EPHA6: variants seen among roughly 807,000 people sequenced by gnomAD.
EPHA6 encodes the protein EPH receptor A6, also known as ephrin type-A receptor 6.
A neutral mutation model predicts 112.0 loss-of-function variants in EPHA6; 50 were observed. That is an observed-to-expected ratio of 0.45 (90% confidence interval 0.36 to 0.56). The LOEUF (loss-of-function observed/expected upper bound fraction) is 0.56, where lower values mean the gene tolerates loss of function less well. EPHA6 is among the 20% of genes least tolerant of loss of function. The pLI is 0.00. For missense variants in EPHA6, 1,280 were observed against 1,417.4 expected (o/e 0.90, Z 1.56); for synonymous variants, 529 against 490.7 (o/e 1.08, Z -1.03).
intron 1 of EPHA6, among the ~76,000 whole-genome samples, chr3:96,855,193 C>T (rs999468010): frequency 6.6e-6 from 1 of 152,116 alleles, no homozygotes; most frequent in Non-Finnish European, 1.5e-5. Flanking sequence ...TTTGTTATTA[C>T]ATCAGGCCCA....
chr3:97,245,807 T>C (rs920629515), intron 5 of EPHA6, among the ~76,000 whole-genome samples: 2 of 151,858 alleles, frequency 1.3e-5, no homozygotes, highest in Non-Finnish European at 2.9e-5. Flanking sequence ...TACCTGACAC[T>C]ACATACGTGA....
At chr3:97,089,906 G>C (rs1251844400) in intron 3 of EPHA6, among the ~76,000 whole-genome samples, 1 of 151,864 alleles carries the variant, frequency 6.6e-6, no homozygotes, top group Non-Finnish European at 1.5e-5. Context: ...AAACAAACAG[G>C]GAGATTATTT....
At chr3:97,745,306 G>A (rs551052129) in intron 16 of EPHA6, 17 of 430,366 alleles carry the variant, frequency 4.0e-5, no homozygotes, top group African/African-American at 1.6e-4. Flanking sequence ...GTATTTGTTG[G>A]TAGATGCTAT....
intron 5 of EPHA6, among the ~76,000 whole-genome samples, chr3:97,298,846 T>C (rs1476053569): frequency 6.6e-6 from 1 of 152,088 alleles, no homozygotes; most frequent in Non-Finnish European, 1.5e-5. Flanking sequence ...AAATATATTG[T>C]CTAAATGTCA....
At chr3:97,131,224 T>C (rs2048329041) in intron 3 of EPHA6, among the ~76,000 whole-genome samples, 1 of 152,008 alleles carries the variant, frequency 6.6e-6, no homozygotes, top group Non-Finnish European at 1.5e-5. Flanking sequence ...ATGTATACAG[T>C]GGTATGTATG....
chr3:97,494,764 T>C (rs980156242), intron 10 of EPHA6, among the ~76,000 whole-genome samples: 1 of 152,156 alleles, frequency 6.6e-6, no homozygotes, highest in East Asian at 1.9e-4. Flanking sequence ...TTCTGCAAAA[T>C]TGAACTTATA....
intron 10 of EPHA6, among the ~76,000 whole-genome samples, chr3:97,497,392 C>T (rs527486675): frequency 9.9e-5 from 15 of 152,264 alleles, no homozygotes; most frequent in African/African-American, 3.6e-4. Flanking sequence ...TCCCCACTCC[C>T]TCACTTCCTC....
At chr3:96,900,655 T>C (rs941670978) in intron 2 of EPHA6, among the ~76,000 whole-genome samples, 2 of 152,228 alleles carry the variant, frequency 1.3e-5, no homozygotes, top group Non-Finnish European at 2.9e-5. Flanking sequence ...TCCCTTATTA[T>C]CTACAGAGTG....
At chr3:97,518,096 T>G (rs1174499682) in intron 10 of EPHA6, among the ~76,000 whole-genome samples, 1 of 152,172 alleles carries the variant, frequency 6.6e-6, no homozygotes, top group Non-Finnish European at 1.5e-5. Context: ...TTCTCTTTCT[T>G]TGGGTATATA....
chr3:97,607,192 A>AG (rs2107442610), intron 12 of EPHA6, among the ~76,000 whole-genome samples: 1 of 150,526 alleles, frequency 6.6e-6, no homozygotes, highest in South Asian at 2.1e-4. Context: ...GGCAAAAAAA[A>AG]AAAAAAAACA....
intron 5 of EPHA6, among the ~76,000 whole-genome samples, chr3:97,363,188 A>G (rs193159525): frequency 1.5e-4 from 2 of 12,934 alleles, no homozygotes; most frequent in African/African-American, 6.6e-4. Flanking sequence ...ATATATATAT[A>G]TATATATATA....
intron 3 of EPHA6, among the ~76,000 whole-genome samples, chr3:97,087,839 T>C (rs951384527): frequency 4.6e-5 from 7 of 152,154 alleles, no homozygotes; most frequent in African/African-American, 1.7e-4. Context: ...ATTTATTGAG[T>C]ACTGATCAGT....
chr3:96,977,683 G>A (rs2042588357), intron 2 of EPHA6, among the ~76,000 whole-genome samples: 1 of 150,680 alleles, frequency 6.6e-6, no homozygotes, highest in Non-Finnish European at 1.5e-5. Flanking sequence ...CATGGAGATT[G>A]ACCTCTGTGT....
chr3:96,987,620 T>C lies in EPHA6; in HGVS notation c.741T>C (p.Ala247=), dbSNP rs2043070243. ...ATACAAAGATCGACACAATTGCTGC[T>C]GATGAGAGTTTTACCCAGATGGATT... is the stretch of plus-strand genomic sequence containing the variant. ...NQYTKIDTIA[A]DESFTQMDLG... is the part of the protein sequence containing the mutation. The change falls in exon 3 of 18, where the codon GCT becomes GCC. Residue 247 remains alanine (A), a synonymous_variant. Transcript: ENST00000389672. 6.2e-7 allele frequency: 1 copy of C among 1,612,438 alleles called. No individual in the cohort carries two copies. Among genetic ancestry groups the C allele is most frequent in the South Asian group, 1.1e-5 (1 of 91,038 alleles).
intron 16 of EPHA6, among the ~76,000 whole-genome samples, chr3:97,746,370 A>G (rs1185182707): frequency 6.6e-6 from 1 of 151,798 alleles, no homozygotes; most frequent in East Asian, 1.9e-4. Flanking sequence ...TGACACATTT[A>G]TTACTATAAA....
At chr3:97,185,960 G>T (rs1212294785) in intron 3 of EPHA6, among the ~76,000 whole-genome samples, 1 of 150,258 alleles carries the variant, frequency 6.7e-6, no homozygotes, top group African/African-American at 2.4e-5. Flanking sequence ...ACTATCACAA[G>T]GACAAAAAAC....
In EPHA6 at chr3:97,212,622, T is replaced by A. The variant is rs546380631; in HGVS notation, c.1115-13642T>A. ...ACTACTAAACTGTTTCTGACTCTTT[T>A]CCAAATAATGCTGTAACCTTGACAC... On this transcript the variant is annotated intron_variant, in intron 3 of 17. Coordinates refer to ENST00000389672, the MANE Select transcript of EPHA6 (RefSeq NM_001080448.3). Among the ~76,000 whole-genome samples, 12 of 152,274 alleles carry A rather than the reference T, an allele frequency of 7.9e-5. No homozygotes were observed. In the South Asian group the frequency reaches 2.5e-3, roughly 32 times the overall value.
intron 11 of EPHA6, among the ~76,000 whole-genome samples, chr3:97,544,117 T>C (rs537836382): frequency 6.6e-4 from 101 of 152,276 alleles, no homozygotes; most frequent in African/African-American, 2.4e-3. Context: ...AGCCAGAACT[T>C]CCAACACTAT....
At chr3:97,677,590 A>G (rs554445201) in intron 14 of EPHA6, among the ~76,000 whole-genome samples, 1 of 152,110 alleles carries the variant, frequency 6.6e-6, no homozygotes, top group Admixed American at 6.5e-5. Context: ...GCATGGTGGC[A>G]GGCGCCTGTA....
Sources: gnomAD v4.1 joint callset for allele counts (sites outside exome capture counted in the v4.1 genomes callset) on GRCh38, gnomAD v4.1.1 for gene constraint, MANE v1.5 for transcripts, NCBI Gene and HGNC (gene_info 2026-07-23, HGNC 2026-07-21) for gene names.